Variants in RGS6 observed in about 807,000 individuals in gnomAD.
RGS6 encodes the protein regulator of G-protein signaling 6.
In RGS6, 30 loss-of-function variants were observed where a neutral mutation model predicts 78.5. That is an observed-to-expected ratio of 0.38 (90% CI 0.29 to 0.52). The LOEUF is 0.52. RGS6 is among the 20% of genes least tolerant of loss of function. RGS6 has a pLI of 0.85. For synonymous variants in RGS6, 206 were observed against 206.0 expected, an observed-to-expected ratio of 1.00 and a Z score of 0.00; for missense variants, 495 against 609.7, an observed-to-expected ratio of 0.81 and a Z score of 1.98.
At chr14:72,301,095 G>A (rs1324564658) in intron 2 of RGS6, among the ~76,000 whole-genome samples, 1 of 152,210 alleles carries the variant, frequency 6.6e-6, no homozygotes, top group Non-Finnish European at 1.5e-5. Context: ...CTTGGCTTGT[G>A]TGAAAACAAG....
At position 72,565,061 on chromosome 14, in the gene RGS6, A is replaced by G. The variant is rs1465643158; in HGVS notation, c.*2594A>G. ...AAAATCTGGTCTTGGCCCGTCCCCC[A>G]TTGGCCTGGTCTACACAGCCAAAAA... On this transcript the variant is annotated 3_prime_UTR_variant, in exon 18 of 18. Coordinates refer to ENST00000553525, the MANE Select transcript of RGS6 (RefSeq NM_001204424.2). 1 of 152,140 alleles carries G rather than the reference A, an allele frequency of 6.6e-6. No homozygotes were observed. The highest frequency in any genetic ancestry group is 1.5e-5 in the Non-Finnish European group (1 of 68,048). 9.4% of individuals were successfully genotyped at this position (152,140 alleles called of 1,614,324 possible).
At chr14:72,211,199 A>T (rs112162124) in intron 2 of RGS6, among the ~76,000 whole-genome samples, 3 of 152,234 alleles carry the variant, frequency 2.0e-5, no homozygotes, top group Admixed American at 6.5e-5. Flanking sequence ...AATCAGAAAG[A>T]TAAGAGGAAA....
At chr14:72,468,320 G>A (rs1313168447) in intron 7 of RGS6, among the ~76,000 whole-genome samples, 2 of 151,146 alleles carry the variant, frequency 1.3e-5, no homozygotes, top group Admixed American at 6.6e-5. Context: ...CGGAGGTTGT[G>A]AGCCAAGATC....
At chr14:72,612,315 C>T in the RGS6 span, among the ~76,000 whole-genome samples, 6 of 152,070 alleles carry the variant, frequency 3.9e-5, 2 homozygotes, top group South Asian at 8.3e-4. Context: ...GAGCCAGGGA[C>T]GCCCTGCCTA....
chr14:72,464,392 G>A (rs2095850819), intron 6 of RGS6, among the ~76,000 whole-genome samples: 1 of 152,190 alleles, frequency 6.6e-6, no homozygotes, highest in South Asian at 2.1e-4. Context: ...AACCACAACT[G>A]ACTCCTATGA....
At chr14:72,604,803 G>T in the RGS6 span, among the ~76,000 whole-genome samples, 1 of 152,154 alleles carries the variant, frequency 6.6e-6, no homozygotes, top group Non-Finnish European at 1.5e-5. Context: ...GGCGGGGATG[G>T]CATTATTTTC....
chr14:72,620,169 C>T, the RGS6 span, among the ~76,000 whole-genome samples: 1 of 152,100 alleles, frequency 6.6e-6, no homozygotes. Flanking sequence ...GGAGTTTCCC[C>T]CTCTACCTCC....
chr14:72,580,014 G>A, the RGS6 span, among the ~76,000 whole-genome samples: 9 of 152,212 alleles, frequency 5.9e-5, no homozygotes, highest in African/African-American at 1.7e-4. Context: ...AGGCACAAAT[G>A]AGGACACCTA....
At position 72,278,680 on chromosome 14, in the gene RGS6, G is replaced by A. The variant is rs139261538; in HGVS notation, c.85-73415G>A. Among the ~76,000 whole-genome samples, 31 of 152,236 alleles carry A rather than the reference G, an allele frequency of 2.0e-4. 1 individual carries two copies. The East Asian group carries it at 6.0e-3, about 29-fold the overall frequency. ...AGGAACGTGGCCTTACACAATCATG[G>A]GAGCTGGTCTGCCATCTTCATTAAG... On this transcript the variant is annotated intron_variant, in intron 2 of 17. Coordinates refer to ENST00000553525, the MANE Select transcript of RGS6 (RefSeq NM_001204424.2).
At chr14:72,398,631 T>G (rs2091874988) in intron 3 of RGS6, among the ~76,000 whole-genome samples, 1 of 152,204 alleles carries the variant, frequency 6.6e-6, no homozygotes, top group East Asian at 1.9e-4. Flanking sequence ...CTAGTTCTTT[T>G]AATTGTGATG....
chr14:72,540,772 C>G (rs557356146), intron 17 of RGS6: 7 of 985,244 alleles, frequency 7.1e-6, no homozygotes, highest in Non-Finnish European at 8.4e-6. Context: ...AAGGTCCTAC[C>G]GGCCTCCTCA....
intron 2 of RGS6, among the ~76,000 whole-genome samples, chr14:72,185,595 A>G (rs546104845): frequency 1.6e-4 from 25 of 152,250 alleles, no homozygotes; most frequent in Middle Eastern, 3.4e-3. Context: ...TTTGGACTGG[A>G]TTGTGAAGTA....
At chr14:72,165,429 G>A (rs536240789) in intron 2 of RGS6, among the ~76,000 whole-genome samples, 3 of 152,186 alleles carry the variant, frequency 2.0e-5, no homozygotes, top group African/African-American at 4.8e-5. Flanking sequence ...AATGAGCAGC[G>A]TGTTCTCCTA....
chr14:72,262,214 C>T (rs1482085292), intron 2 of RGS6, among the ~76,000 whole-genome samples: 2 of 152,228 alleles, frequency 1.3e-5, no homozygotes, highest in African/African-American at 4.8e-5. Flanking sequence ...CTGGCTCCCT[C>T]AGAAACCTTA....
At chr14:72,250,499 AAATC>A (rs1289751777) in intron 2 of RGS6, among the ~76,000 whole-genome samples, 1 of 152,114 alleles carries the variant, frequency 6.6e-6, no homozygotes, top group African/African-American at 2.4e-5. Flanking sequence ...GAAGTAAAAT[AAATC>A]ATAGTATCTG....
chr14:72,143,381 A>C (rs559972573), intron 2 of RGS6, among the ~76,000 whole-genome samples: 89 of 152,160 alleles, frequency 5.8e-4, no homozygotes, highest in East Asian at 2.9e-3. Flanking sequence ...TCAAAAAAAA[A>C]CACAAAAAAC....
the RGS6 span, among the ~76,000 whole-genome samples, chr14:71,911,526 G>A: frequency 3.9e-5 from 6 of 152,168 alleles, no homozygotes; most frequent in East Asian, 1.9e-4. Context: ...TTATCCTACC[G>A]TAGGCTTAGG....
intron 3 of RGS6, among the ~76,000 whole-genome samples, chr14:72,382,577 A>G (rs1184672078): frequency 6.6e-6 from 1 of 152,170 alleles, no homozygotes; most frequent in Admixed American, 6.6e-5. Flanking sequence ...ATGACTTGGC[A>G]TCTCCACTCC....
chr14:72,141,727 C>A (rs1361755508), intron 2 of RGS6, among the ~76,000 whole-genome samples: 1 of 151,990 alleles, frequency 6.6e-6, no homozygotes, highest in African/African-American at 2.4e-5. Context: ...CTGGCTGTGT[C>A]CCCAGCTGAG....
Sources: allele counts gnomAD v4.1 joint callset (sites outside exome capture counted in the v4.1 genomes callset), GRCh38; gene constraint gnomAD v4.1.1; transcripts MANE v1.5; gene names NCBI Gene and HGNC (gene_info 2026-07-23, HGNC 2026-07-21).